CFAP43: variants seen among roughly 807,000 people sequenced by gnomAD.
CFAP43 encodes cilia and flagella associated protein 43.
Under a neutral mutation model 218.9 loss-of-function variants are expected in CFAP43, and 155 were observed. That is an observed-to-expected ratio of 0.71 (90% CI 0.62 to 0.81). CFAP43 has a LOEUF of 0.81. Ranked by LOEUF, CFAP43 falls within the 30% of genes least tolerant of loss-of-function variation. CFAP43 has a pLI of 0.00. For missense variants in CFAP43, 1,778 were observed against 1,954.3 expected (o/e 0.91, Z 1.70); for synonymous variants, 645 against 681.3 (o/e 0.95, Z 0.83).
intron 27 of CFAP43, among the ~76,000 whole-genome samples, chr10:104,155,756 A>G (rs1454767721): frequency 1.3e-5 from 2 of 152,182 alleles, no homozygotes; most frequent in East Asian, 3.9e-4. Context: ...CTCCAGGCCA[A>G]GGATACAGTG....
At chr10:104,150,123 C>A (rs906670274) in intron 28 of CFAP43, among the ~76,000 whole-genome samples, 1 of 152,152 alleles carries the variant, frequency 6.6e-6, no homozygotes, top group Non-Finnish European at 1.5e-5. Context: ...TTAGCACATT[C>A]CTTTTTATTG....
At chr10:104,199,037 G>A (rs551604574) in intron 8 of CFAP43, among the ~76,000 whole-genome samples, 1 of 152,254 alleles carries the variant, frequency 6.6e-6, no homozygotes, top group Admixed American at 6.5e-5. Context: ...TAGAAAATTT[G>A]GAAAATGTGT....
chr10:104,142,407 G>A lies in CFAP43; in HGVS notation c.4159-14C>T, dbSNP rs774971755. 1.2e-6 allele frequency: 2 copies of A among 1,604,242 alleles called. No homozygotes were observed. The highest frequency in any genetic ancestry group is 1.7e-5 in the Admixed American group (1 of 59,498). On this transcript the variant is annotated splice_polypyrimidine_tract_variant and intron_variant, in intron 32 of 37. Coordinates refer to ENST00000357060, the MANE Select transcript of CFAP43 (RefSeq NM_025145.7). The stretch of plus-strand genomic sequence containing the variant: ...TTTCTGCTTTACCTAAAGAAACCAA[G>A]CCAGAAACATGTCAGAACATATGGA...
chr10:104,205,615 T>C (rs555732728), intron 7 of CFAP43, among the ~76,000 whole-genome samples: 1 of 152,322 alleles, frequency 6.6e-6, no homozygotes, highest in South Asian at 2.1e-4. Flanking sequence ...AGACAAAGGA[T>C]TCCAAATTCG....
chr10:104,164,929 C>G (rs962623309), intron 23 of CFAP43, among the ~76,000 whole-genome samples: 2 of 152,134 alleles, frequency 1.3e-5, no homozygotes, highest in African/African-American at 4.8e-5. Flanking sequence ...GGGCTATTCT[C>G]TCTACTTTTG....
At position 104,130,098 on chromosome 10, in the gene CFAP43, T is replaced by C. The variant is rs2087108635; in HGVS notation, c.*41A>G. 6.5e-7 allele frequency: 1 copy of C among 1,535,148 alleles called. No individual in the cohort carries two copies. Among genetic ancestry groups the C allele is most frequent in the Admixed American group, 2.4e-5 (1 of 42,080 alleles). On this transcript the variant is annotated 3_prime_UTR_variant, in exon 38 of 38. Coordinates refer to ENST00000357060, the MANE Select transcript of CFAP43 (RefSeq NM_025145.7). ...CATTTTACCCAAATGAAATGATTTT[T>C]TAAATGATTGATTTGGCCTTGTGTT... is the stretch of plus-strand genomic sequence containing the variant.
chr10:104,205,880 T>C (rs2090672502), intron 7 of CFAP43, 83 bp downstream of exon 7: 2 of 1,150,442 alleles, frequency 1.7e-6, no homozygotes, highest in Non-Finnish European at 1.3e-6. Context: ...CATCCTAAAA[T>C]ATGGCTCATA....
In CFAP43 at chr10:104,182,346, T is replaced by G. The variant is rs200106020; in HGVS notation, c.2289+20A>C. 1.1e-4 allele frequency: 166 copies of G among 1,530,666 alleles called. No homozygotes were observed. The Middle Eastern group carries it at 3.8e-3, about 35-fold the overall frequency. 94.8% of individuals were successfully genotyped at this position (1,530,666 alleles called of 1,614,324 possible). On this transcript the variant is annotated intron_variant, in intron 17 of 37. Transcript: ENST00000357060. ...AAGAAAGAAATGTAAGCAAGCAAGC[T>G]AGTCATATAGGAACTCAACTGTGTG... is the stretch of plus-strand genomic sequence containing the variant.
In CFAP43 at chr10:104,187,331, G is replaced by T; in HGVS notation, c.1849C>A (p.Leu617Ile). ...AAGTGTTGACATACTTCTTCAGGAA[G>T]AAGGTAGCTACAGATGTATGGCACT... is the stretch of plus-strand genomic sequence containing the variant. ...SQVPYICSYLLPEEEHTGIYI... is the reference protein window; with the variant it reads ...SQVPYICSYLIPEEEHTGIYI... The change falls in exon 14 of 38, where the codon CTT becomes ATT. Residue 617 changes from leucine to isoleucine, a missense_variant. Transcript: ENST00000357060. 1.3e-6 allele frequency: 2 copies of T among 1,592,144 alleles called. No homozygotes were observed. Among genetic ancestry groups the T allele is most frequent in the Non-Finnish European group, 8.5e-7 (1 of 1,173,936 alleles).
chr10:104,157,425 T>C (rs952946506), intron 27 of CFAP43, among the ~76,000 whole-genome samples: 1 of 152,172 alleles, frequency 6.6e-6, no homozygotes, highest in African/African-American at 2.4e-5. Flanking sequence ...CAACATGCTT[T>C]TAAGGACATT....
chr10:104,196,993 G>A, intron 9 of CFAP43, 60 bp from the exon 10 acceptor site: 1 of 1,341,326 alleles, frequency 7.5e-7, no homozygotes, highest in Non-Finnish European at 1.0e-6. Context: ...ATGGAAGCAT[G>A]TTCTACCTCC....
intron 27 of CFAP43, among the ~76,000 whole-genome samples, chr10:104,157,900 T>C (rs1279773686): frequency 2.0e-5 from 3 of 152,182 alleles, no homozygotes; most frequent in East Asian, 3.9e-4. Flanking sequence ...TCCAGGATTC[T>C]CTAAAAAGAA....
At chr10:104,132,857 CAT>C in intron 35 of CFAP43, 1 of 905,790 alleles carries the variant, frequency 1.1e-6, no homozygotes, top group African/African-American at 1.8e-5. Flanking sequence ...AGATAGATAA[CAT>C]GTCCTAGTCT....
chr10:104,193,861 C>T lies in CFAP43; in HGVS notation c.1442+5G>A, dbSNP rs751204761. On this transcript the variant is annotated splice_donor_5th_base_variant and intron_variant, in intron 11 of 37. Transcript: ENST00000357060. ...GAGCCGCTCCTGGAGGCAGAAAGGA[C>T]TTACACGACGTGCTGCACGGACGAT... 2.5e-6 allele frequency: 4 copies of T among 1,613,486 alleles called. No homozygotes were observed. The South Asian group carries it at 4.4e-5, about 18-fold the overall frequency.
In CFAP43 at chr10:104,147,896, C is replaced by A; in HGVS notation, c.3763G>T (p.Glu1255Ter). Residue 1255 changes from glutamate to a stop codon, truncating the protein, a stop_gained, in exon 29 of 38, where the codon GAG becomes TAG. Coordinates refer to ENST00000357060, the MANE Select transcript of CFAP43 (RefSeq NM_025145.7). LOFTEE classifies it high-confidence loss of function. ...ATTTCAGACACTATTCTTACTTTCTCGTGCTGTTTCCTTGTAAGGTAGTTG... is the reference window on the plus strand; with the variant it reads ...ATTTCAGACACTATTCTTACTTTCTAGTGCTGTTTCCTTGTAAGGTAGTTG... ...LNNYLTRKQH[E>*]KSQTSEAVRK... 3 of 1,585,044 alleles carry A rather than the reference C, an allele frequency of 1.9e-6. No homozygotes were observed. Among genetic ancestry groups the A allele is most frequent in the South Asian group, 2.3e-5 (2 of 86,860 alleles).
At position 104,165,246 on chromosome 10, in the gene CFAP43, C is replaced by T. The variant is rs572634900; in HGVS notation, c.3040-946G>A. ...TCAATCCAAAGTGGCCTTTATGTTG[C>T]CATAGGAGTTTAGTCTATGTCTATC... On this transcript the variant is annotated intron_variant, in intron 23 of 37. Coordinates refer to ENST00000357060, the MANE Select transcript of CFAP43 (RefSeq NM_025145.7). Among the ~76,000 whole-genome samples the T allele has an allele frequency of 3.3e-5, 5 of 152,198 alleles. No individual in the cohort carries two copies. The South Asian group carries it at 1.0e-3, about 32-fold the overall frequency.
At position 104,232,195 on chromosome 10, in the gene CFAP43, A is replaced by C. The variant is rs777332091; in HGVS notation, c.52T>G (p.Ser18Ala). Residue 18 changes from serine (S) to alanine (A), a missense_variant, in exon 1 of 38, where the codon TCC becomes GCC. By Grantham distance (99) the Ser-to-Ala change is moderately conservative (BLOSUM62 1). Around this residue, in one of 3 missense-constraint regions of CFAP43, gnomAD observed 1,553 missense variants for 1,685.2 expected, o/e 0.92. Coordinates refer to ENST00000357060, the MANE Select transcript of CFAP43 (RefSeq NM_025145.7). ...TGAACACCGCACCTCACGGACAAGGACGCGCCGCCGGCGGAGTGGGGGCCT... is the reference window on the plus strand; with the variant it reads ...TGAACACCGCACCTCACGGACAAGGCCGCGCCGCCGGCGGAGTGGGGGCCT... The part of the protein sequence containing the change: ...DEGPHSAGGA[S>A]LSVRWVQGFP... 2 of 1,609,282 alleles carry C rather than the reference A, an allele frequency of 1.2e-6. No homozygotes were observed. Among genetic ancestry groups the C allele is most frequent in the South Asian group, 2.2e-5 (2 of 90,540 alleles).
At chr10:104,217,996 C>A (rs944986062) in intron 3 of CFAP43, among the ~76,000 whole-genome samples, 1 of 152,216 alleles carries the variant, frequency 6.6e-6, no homozygotes, top group South Asian at 2.1e-4. Flanking sequence ...ACTGCTTAGA[C>A]AACACTTGCT....
chr10:104,226,565 C>CAA (rs139085332), intron 2 of CFAP43, among the ~76,000 whole-genome samples: 251 of 148,414 alleles, frequency 1.7e-3, no homozygotes, highest in African/African-American at 5.8e-3. Flanking sequence ...AAGAAAATGC[C>CAA]AAAAAAAAAG....
Sources: allele counts gnomAD v4.1 joint callset (sites outside exome capture counted in the v4.1 genomes callset), GRCh38; gene constraint gnomAD v4.1.1; regional missense constraint gnomAD v4.1.1; transcripts MANE v1.5; gene names NCBI Gene and HGNC (gene_info 2026-07-23, HGNC 2026-07-21).